The following RDH13 variants were observed in gnomAD, a reference collection of about 807,000 sequenced individuals.
RDH13 encodes the protein retinol dehydrogenase 13 (all-trans and 9-cis).
Under a neutral mutation model 28.3 loss-of-function variants are expected in RDH13, and 35 were observed. That is an observed-to-expected ratio of 1.24 (90% CI 0.95 to 1.64). RDH13 has a LOEUF of 1.64. Ranked by LOEUF, RDH13 falls within the 40% of genes most tolerant of loss-of-function variation. RDH13 has a pLI of 0.00. For missense variants in RDH13, 514 were observed against 446.3 expected (o/e 1.15, Z -1.37); for synonymous variants, 229 against 198.5 (o/e 1.15, Z -1.29).
upstream of RDH13, among the ~76,000 whole-genome samples, chr19:55,065,657 G>C (rs1223416621): frequency 6.6e-6 from 1 of 151,624 alleles, no homozygotes; most frequent in Admixed American, 6.7e-5. Context: ...CAGATGATGT[G>C]AAAACAAGTG....
chr19:55,044,929 G>T lies in RDH13; in HGVS notation c.*145C>A, dbSNP rs537062834. On this transcript the variant is annotated 3_prime_UTR_variant, in exon 7 of 7. Coordinates refer to ENST00000415061, the MANE Select transcript of RDH13 (RefSeq NM_001145971.2). ...CCTGCAGGCCAGTCCACTGCGGCCA[G>T]CACCGCCCCCTAGAACCTACTGCGG... The T allele has an allele frequency of 1.4e-4, 89 of 632,840 alleles. No homozygotes were observed. In the African/African-American group the frequency reaches 1.6e-3, roughly 11 times the overall value. The allele number at this position is 632,840 out of a possible 1,614,324, so 39.2% of individuals were successfully genotyped here.
chr19:55,041,230 C>T (rs548977828), downstream of RDH13: 1 of 152,418 alleles, frequency 6.6e-6, no homozygotes, highest in South Asian at 2.1e-4. Context: ...CCACCGACCT[C>T]AGCCTCCCAA....
At chr19:55,058,870 G>A (rs2075721454) in intron 2 of RDH13, among the ~76,000 whole-genome samples, 1 of 152,132 alleles carries the variant, frequency 6.6e-6, no homozygotes, top group Admixed American at 6.5e-5. Flanking sequence ...TAGTAGAGAG[G>A]GGGTTTCACC....
upstream of RDH13, chr19:55,064,290 A>G (rs139205798): frequency 0.011 from 1,609 of 151,962 alleles, 8 homozygotes; most frequent in Middle Eastern, 0.02. Flanking sequence ...ATGTGGTGGC[A>G]CTCACCTGTA....
At chr19:55,065,310 G>A (rs2075940852), upstream of RDH13, among the ~76,000 whole-genome samples, 1 of 151,622 alleles carries the variant, frequency 6.6e-6, no homozygotes, top group Non-Finnish European at 1.5e-5. Context: ...CTTGAGCCCA[G>A]GAGGTCAAGG....
At chr19:55,048,795 C>A in intron 3 of RDH13, 32 bp from the exon 4 acceptor site, 1 of 1,577,898 alleles carries the variant, frequency 6.3e-7, no homozygotes, top group East Asian at 2.3e-5. Context: ...GGAGACATCC[C>A]GGTGAGGACA....
intron 2 of RDH13, 100 bp downstream of exon 2, chr19:55,059,057 T>G (rs770088931): frequency 3.7e-4 from 270 of 728,052 alleles, no homozygotes; most frequent in Middle Eastern, 2.5e-3. Context: ...CATCTGTGGA[T>G]GGGTGCCTGG....
Position 55,047,465 on chromosome 19 carries a change from G to T in RDH13, c.682C>A (p.Leu228Met). Residue 228 changes from leucine to methionine, a missense_variant, in exon 6 of 7, where the codon CTG (leucine) becomes ATG (methionine). Leu to Met is a conservative substitution (Grantham distance 15). Coordinates refer to ENST00000415061, the MANE Select transcript of RDH13 (RefSeq NM_001145971.2). The stretch of plus-strand genomic sequence containing the variant: ...TCTGTCCTGGCCACGCCGGGGTGCA[G>T]GGCGTTGACAGTCACACCAGAGCCT... ...LQGSGVTVNA[L>M]HPGVARTELG... 1 of 1,608,956 alleles carries T rather than the reference G, an allele frequency of 6.2e-7. No homozygotes were observed.
intron 2 of RDH13, among the ~76,000 whole-genome samples, chr19:55,058,166 C>T (rs559363081): frequency 6.6e-6 from 1 of 152,120 alleles, no homozygotes. Context: ...AATCCCAGCA[C>T]TTTGGGAGAC....
At chr19:55,056,573 T>C (rs1355037031) in intron 3 of RDH13, 80 bp downstream of exon 3, 10 of 1,520,748 alleles carry the variant, frequency 6.6e-6, no homozygotes, top group African/African-American at 1.4e-5. Context: ...TAAAGTTTGC[T>C]TGCTTCATTC....
At chr19:55,059,717 A>C (rs150826299) in intron 1 of RDH13, among the ~76,000 whole-genome samples, 1 of 152,252 alleles carries the variant, frequency 6.6e-6, no homozygotes, top group African/African-American at 2.4e-5. Context: ...TTAGACTGTT[A>C]CTGTGTCTAT....
Position 55,044,891 on chromosome 19 carries a change from A to T in RDH13, c.*183T>A. On this transcript the variant is annotated 3_prime_UTR_variant, in exon 7 of 7. Transcript: ENST00000415061. ...GAGCAGACGGAACCAGCCAGAGCCC[A>T]GGGCAGTGCTCACCTGCAGGCCAGT... The T allele has an allele frequency of 1.8e-6, 1 of 560,328 alleles. No homozygotes were observed. Among genetic ancestry groups the T allele is most frequent in the Non-Finnish European group, 3.2e-6 (1 of 316,982 alleles). 34.7% of individuals were successfully genotyped at this position (560,328 alleles called of 1,614,324 possible). A position where few individuals can be genotyped will look rare whatever the true frequency, so the allele number is the denominator to read the frequency against.
At position 55,044,682 on chromosome 19, in the gene RDH13, G is replaced by A. The variant is rs55797014; in HGVS notation, c.*392C>T. 1.4e-3 allele frequency: 321 copies of A among 224,122 alleles called. 1 individual carries two copies. The highest frequency in any genetic ancestry group is 8.7e-3 in the Middle Eastern group (6 of 692). The allele number at this position is 224,122 out of a possible 1,614,324, so 13.9% of individuals were successfully genotyped here. A position where few individuals can be genotyped will look rare whatever the true frequency, so the allele number is the denominator to read the frequency against. On this transcript the variant is annotated 3_prime_UTR_variant, in exon 7 of 7. Coordinates refer to ENST00000415061, the MANE Select transcript of RDH13 (RefSeq NM_001145971.2). ...TGCACAAGGTCCCACAGGGACCCAA[G>A]AATCCACCAAGTGTCAGACAACTTG...
intron 1 of RDH13, among the ~76,000 whole-genome samples, chr19:55,069,078 C>G (rs1273656342): frequency 2.0e-5 from 3 of 148,542 alleles, no homozygotes; most frequent in Non-Finnish European, 4.5e-5. Context: ...GTCACCACCC[C>G]CCGCCCCGAC....
intron 3 of RDH13, 50 bp from the exon 4 acceptor site, chr19:55,048,813 G>A (rs762385204): frequency 1.4e-5 from 21 of 1,468,116 alleles, no homozygotes; most frequent in Non-Finnish European, 2.0e-5. Context: ...ACAGACCCCA[G>A]CCTGATGCAC....
At chr19:55,053,324 T>C (rs1307909759) in intron 3 of RDH13, among the ~76,000 whole-genome samples, 1 of 150,960 alleles carries the variant, frequency 6.6e-6, no homozygotes, top group Admixed American at 6.6e-5. Context: ...AAGCTGGTAC[T>C]TGATTTGCTA....
upstream of RDH13, among the ~76,000 whole-genome samples, chr19:55,064,802 G>T (rs569894020): frequency 6.7e-6 from 1 of 149,662 alleles, no homozygotes; most frequent in African/African-American, 2.5e-5. Flanking sequence ...TAGTAGAGAC[G>T]GGGTTTCACC....
chr19:55,050,269 C>A (rs2075386805), intron 3 of RDH13, among the ~76,000 whole-genome samples: 1 of 151,992 alleles, frequency 6.6e-6, no homozygotes, highest in Admixed American at 6.6e-5. Context: ...GCATCCACCA[C>A]CACACCGGGT....
intron 3 of RDH13, among the ~76,000 whole-genome samples, chr19:55,052,130 C>T (rs1369400652): frequency 1.4e-5 from 2 of 144,212 alleles, no homozygotes; most frequent in East Asian, 4.1e-4. Context: ...AATCAAAGCT[C>T]ACTGCAGGCC....
Sources: allele counts gnomAD v4.1 joint callset (sites outside exome capture counted in the v4.1 genomes callset), GRCh38; gene constraint gnomAD v4.1.1; transcripts MANE v1.5; gene names NCBI Gene and HGNC (gene_info 2026-07-23, HGNC 2026-07-21).